RYR3: variants seen among roughly 807,000 people sequenced by gnomAD.
RYR3 encodes the protein ryanodine receptor 3.
In RYR3, 207 loss-of-function variants were observed where a neutral mutation model predicts 584.3. The observed-to-expected ratio is 0.35, with a 90% CI of 0.32 to 0.40. RYR3 has a LOEUF of 0.40. RYR3 is among the 10% of genes least tolerant of loss of function. The probability of loss-of-function intolerance (pLI) is 1.00; values close to 1 mark genes in which losing one functional copy is unlikely to be tolerated. For synonymous variants in RYR3, 2,416 were observed against 2,248.5 expected (o/e 1.07, Z -2.11); for missense variants, 5,616 against 6,089.2 (o/e 0.92, Z 2.59).
At chr15:33,821,416 TATC>T (rs756526352) in intron 79 of RYR3, 47 bp downstream of exon 79, 2 of 1,584,126 alleles carry the variant, frequency 1.3e-6, no homozygotes, top group African/African-American at 2.7e-5. Flanking sequence ...TCCACAAAGA[TATC>T]ATGCTGTGAC....
At chr15:33,437,894 T>A (rs146071364) in intron 1 of RYR3, among the ~76,000 whole-genome samples, 3 of 152,152 alleles carry the variant, frequency 2.0e-5, no homozygotes, top group African/African-American at 7.2e-5. Flanking sequence ...GGCTATTTTT[T>A]AAATTTTTTG....
intron 16 of RYR3, among the ~76,000 whole-genome samples, chr15:33,596,053 T>C (rs1475283719): frequency 6.8e-6 from 1 of 147,166 alleles, no homozygotes; most frequent in East Asian, 2.1e-4. Context: ...TATAAAATTA[T>C]TTCTCTTTAA....
intron 5 of RYR3, among the ~76,000 whole-genome samples, chr15:33,533,710 A>G (rs1355277072): frequency 6.6e-6 from 1 of 152,226 alleles, no homozygotes; most frequent in African/African-American, 2.4e-5. Context: ...ATGACTGCCA[A>G]AAAATAAAGG....
chr15:33,744,358 A>T (rs2070468112), intron 52 of RYR3, among the ~76,000 whole-genome samples: 1 of 152,172 alleles, frequency 6.6e-6, no homozygotes, highest in Admixed American at 6.5e-5. Flanking sequence ...TATTTGATTG[A>T]TATCTCTTTC....
chr15:33,400,578 A>T (rs2042591081), intron 1 of RYR3, among the ~76,000 whole-genome samples: 1 of 152,048 alleles, frequency 6.6e-6, no homozygotes, highest in South Asian at 2.1e-4. Flanking sequence ...TTCTTCGTGG[A>T]GACTTTCTTC....
intron 18 of RYR3, among the ~76,000 whole-genome samples, chr15:33,605,044 A>G (rs1186421650): frequency 2.0e-5 from 3 of 152,224 alleles, no homozygotes; most frequent in Admixed American, 6.5e-5. Flanking sequence ...AGGGCTCTGC[A>G]TGAAGATTGG....
At chr15:33,787,392 G>T (rs2074796799) in intron 66 of RYR3, among the ~76,000 whole-genome samples, 1 of 152,058 alleles carries the variant, frequency 6.6e-6, no homozygotes. Flanking sequence ...GAAGAAAATT[G>T]CTGGAATGCA....
chr15:33,666,208 A>G (rs2063486485), intron 36 of RYR3, among the ~76,000 whole-genome samples: 1 of 151,990 alleles, frequency 6.6e-6, no homozygotes. Flanking sequence ...GTTTCCCCAT[A>G]TTGGGCAGGC....
At chr15:33,592,047 C>T (rs2059155458) in intron 16 of RYR3, among the ~76,000 whole-genome samples, 1 of 152,126 alleles carries the variant, frequency 6.6e-6, no homozygotes, top group South Asian at 2.1e-4. Flanking sequence ...ATGAGAGGCT[C>T]TCTAATGAAA....
In RYR3 at chr15:33,728,760, T is replaced by C. The variant is rs6495231; in HGVS notation, c.7034-97T>C. On this transcript the variant is annotated intron_variant, in intron 46 of 103. Transcript: ENST00000634891. ...TATTTTTCCAAAAATTCTTGTCCCT[T>C]ATAGGGAGAATAAGCTATAGACAGA... 3.1e-3 allele frequency: 3,775 copies of C among 1,207,188 alleles called. 97 individuals are homozygous for C. The African/African-American group carries it at 0.051, about 16-fold the overall frequency. 74.8% of individuals were successfully genotyped at this position (1,207,188 alleles called of 1,614,324 possible).
In RYR3 at chr15:33,663,722, A is replaced by ACC; in HGVS notation, c.5608_5609dup (p.Gln1871HisfsTer87). 1 of 1,606,378 alleles carries ACC rather than the reference A, an allele frequency of 6.2e-7. No homozygotes were observed. The highest frequency in any genetic ancestry group is 1.7e-5 in the Admixed American group (1 of 59,336). Reference sequence around the variant, plus strand: ...CCCGGAAGACCAAGGAGTTCCGCTCACCCCCACAGGAGCAGGTGAGGGTCC... The same window carrying ACC: ...CCCGGAAGACCAAGGAGTTCCGCTCACCCCCCCACAGGAGCAGGTGAGGGTCC... On this transcript the variant is annotated frameshift_variant, in exon 36 of 104. Transcript: ENST00000634891. LOFTEE classifies it high-confidence loss of function.
chr15:33,347,866 TC>T (rs1236925833), intron 1 of RYR3, among the ~76,000 whole-genome samples: 1 of 152,132 alleles, frequency 6.6e-6, no homozygotes, highest in African/African-American at 2.4e-5. Flanking sequence ...AGCCATTTCT[TC>T]CAGGAACCCT....
intron 1 of RYR3, among the ~76,000 whole-genome samples, chr15:33,445,184 A>G (rs970457662): frequency 1.2e-4 from 18 of 152,288 alleles, no homozygotes; most frequent in African/African-American, 4.1e-4. Flanking sequence ...CAGTGGTCAG[A>G]GCAGAGGTGG....
intron 5 of RYR3, among the ~76,000 whole-genome samples, chr15:33,535,391 C>A (rs1039722279): frequency 1.3e-5 from 2 of 152,232 alleles, no homozygotes; most frequent in South Asian, 2.1e-4. Flanking sequence ...GTGGCCCCGC[C>A]TTTGCCCATT....
rs1218319424 is a variant in RYR3 at position 33,337,659 on chromosome 15, T to C, written c.51+26563T>C. Among the ~76,000 whole-genome samples the C allele has an allele frequency of 2.6e-5, 4 of 152,190 alleles. No individual in the cohort carries two copies. In the East Asian group the frequency reaches 5.8e-4, roughly 22 times the overall value. On this transcript the variant is annotated intron_variant, in intron 1 of 103. Coordinates refer to ENST00000634891, the MANE Select transcript of RYR3 (RefSeq NM_001036.6). Reference sequence around the variant, plus strand: ...TTTATGAATAGATGAAGAAAAACTATTTCATCATGACTGTCAACTGGTACA... The same window carrying C: ...TTTATGAATAGATGAAGAAAAACTACTTCATCATGACTGTCAACTGGTACA...
At chr15:33,667,267 T>C (rs1252416965) in intron 36 of RYR3, among the ~76,000 whole-genome samples, 2 of 152,226 alleles carry the variant, frequency 1.3e-5, no homozygotes, top group African/African-American at 4.8e-5. Context: ...TGTTTACCTC[T>C]GGTTATTTCT....
chr15:33,825,132 G>T (rs565987097), intron 81 of RYR3, among the ~76,000 whole-genome samples: 13 of 152,316 alleles, frequency 8.5e-5, no homozygotes, highest in African/African-American at 3.1e-4. Context: ...CTGGAAGTTT[G>T]TAGCTCATCC....
intron 1 of RYR3, among the ~76,000 whole-genome samples, chr15:33,335,426 G>A (rs1970841820): frequency 6.6e-6 from 1 of 152,106 alleles, no homozygotes; most frequent in Non-Finnish European, 1.5e-5. Flanking sequence ...ACTAATACAG[G>A]AACAGAAAAT....
intron 32 of RYR3, among the ~76,000 whole-genome samples, chr15:33,655,982 G>T (rs2062804405): frequency 6.6e-6 from 1 of 152,182 alleles, no homozygotes; most frequent in Non-Finnish European, 1.5e-5. Context: ...ATTAAATAGT[G>T]ATAAACAATT....
Sources: allele counts gnomAD v4.1 joint callset (sites outside exome capture counted in the v4.1 genomes callset), GRCh38; gene constraint gnomAD v4.1.1; transcripts MANE v1.5; gene names NCBI Gene and HGNC (gene_info 2026-07-23, HGNC 2026-07-21).